The following SNAP91 variants were observed in gnomAD, a reference collection of about 807,000 sequenced individuals.
The protein encoded by SNAP91 is clathrin coat assembly protein AP180.
SNAP91 carries 27 observed loss-of-function variants against 100.3 expected under a neutral mutation model. That is an observed-to-expected ratio of 0.27 (90% CI 0.20 to 0.37). The LOEUF (loss-of-function observed/expected upper bound fraction) is 0.37, where lower values mean the gene tolerates loss of function less well. Ranked by LOEUF, SNAP91 falls within the 10% of genes least tolerant of loss-of-function variation. The pLI, the probability that SNAP91 is intolerant of heterozygous loss-of-function variation, is 1.00. For synonymous variants in SNAP91, 404 were observed against 398.6 expected, an observed-to-expected ratio of 1.01 and a Z score of -0.16; for missense variants, 986 against 1,123.7, an observed-to-expected ratio of 0.88 and a Z score of 1.75.
intron 7 of SNAP91, among the ~76,000 whole-genome samples, chr6:83,654,209 T>C (rs1183348052): frequency 1.3e-5 from 2 of 152,120 alleles, no homozygotes; most frequent in African/African-American, 4.8e-5. Context: ...ACTTCAACAG[T>C]AGTTCCTATG....
intron 5 of SNAP91, 59 bp downstream of exon 5, chr6:83,661,443 T>C: frequency 9.6e-7 from 1 of 1,037,800 alleles, no homozygotes; most frequent in Non-Finnish European, 1.4e-6. Context: ...TTAAAATAAA[T>C]CAAGTATGCC....
At chr6:83,701,424 C>T (rs1413733357) in intron 2 of SNAP91, among the ~76,000 whole-genome samples, 2 of 151,858 alleles carry the variant, frequency 1.3e-5, no homozygotes, top group Admixed American at 6.6e-5. Context: ...TCCTGAGTAG[C>T]CAGGAATGAC....
chr6:83,656,711 G>A (rs1562530257), intron 7 of SNAP91, 43 bp downstream of exon 7: 2 of 860,978 alleles, frequency 2.3e-6, no homozygotes, highest in Non-Finnish European at 3.7e-6. Flanking sequence ...CAATCTTACT[G>A]TGTATCCCAT....
At position 83,626,191 on chromosome 6, in the gene SNAP91, G is replaced by A. The variant is rs530902112; in HGVS notation, c.766-2849C>T. On this transcript the variant is annotated intron_variant, in intron 8 of 29. Transcript: ENST00000369694. ...TGTAGGTACGCTGCTTTATTTCTGG[G>A]TTCTCTATTCTGTTCCACTGTTCTA... Among the ~76,000 whole-genome samples, 111 of 152,034 alleles carry A rather than the reference G, an allele frequency of 7.3e-4. No individual in the cohort carries two copies. In the South Asian group the frequency reaches 0.01, roughly 14 times the overall value.
At chr6:83,636,775 C>T (rs951948668) in intron 8 of SNAP91, among the ~76,000 whole-genome samples, 4 of 152,300 alleles carry the variant, frequency 2.6e-5, no homozygotes, top group East Asian at 1.9e-4. Context: ...GATTCCTTCT[C>T]GTCTGAGGGA....
chr6:83,687,613 G>T (rs948885610), intron 2 of SNAP91, among the ~76,000 whole-genome samples: 3 of 152,172 alleles, frequency 2.0e-5, no homozygotes, highest in Admixed American at 2.0e-4. Context: ...TGAAATGGGG[G>T]TTACTAGCAT....
At chr6:83,589,831 T>C (rs1229028064) in intron 22 of SNAP91, among the ~76,000 whole-genome samples, 1 of 152,226 alleles carries the variant, frequency 6.6e-6, no homozygotes, top group East Asian at 1.9e-4. Flanking sequence ...TGAGGGTCTT[T>C]TAGCATCTGC....
At position 83,687,269 on chromosome 6, in the gene SNAP91, G is replaced by A. The variant is rs772588815; in HGVS notation, c.130+20529C>T. On this transcript the variant is annotated intron_variant, in intron 2 of 29. Transcript: ENST00000369694. ...TTTAGTTATTCTTACCTAATACGGCGAAAATGAAAATATTGTTTTAAGAAA... is the reference window on the plus strand; with the variant it reads ...TTTAGTTATTCTTACCTAATACGGCAAAAATGAAAATATTGTTTTAAGAAA... 1.2e-4 allele frequency among the ~76,000 whole-genome samples: 18 copies of A among 152,012 alleles called. No homozygotes were observed. In the East Asian group the frequency reaches 2.3e-3, roughly 19 times the overall value.
intron 16 of SNAP91, among the ~76,000 whole-genome samples, chr6:83,601,040 C>T (rs1447802706): frequency 2.6e-5 from 4 of 152,050 alleles, no homozygotes; most frequent in East Asian, 1.9e-4. Flanking sequence ...TGTTAAAAAA[C>T]GTGAAAATCA....
chr6:83,659,961 C>A (rs2098506322), intron 5 of SNAP91, among the ~76,000 whole-genome samples: 1 of 152,194 alleles, frequency 6.6e-6, no homozygotes, highest in Admixed American at 6.5e-5. Context: ...GGGTGCACTG[C>A]ACCTTGTCTC....
chr6:83,611,313 C>T, intron 11 of SNAP91: 2 of 323,236 alleles, frequency 6.2e-6, no homozygotes, highest in South Asian at 4.7e-5. Context: ...AACTTCGATG[C>T]TTTTTTCTAA....
chr6:83,591,317 C>G, intron 21 of SNAP91, 23 bp from the exon 22 acceptor site: 1 of 1,529,732 alleles, frequency 6.5e-7, no homozygotes, highest in Admixed American at 1.7e-5. Context: ...CATTGTGCAG[C>G]GGAAAAGTAA....
At chr6:83,648,188 AT>A (rs1457874777) in intron 7 of SNAP91, among the ~76,000 whole-genome samples, 2 of 152,150 alleles carry the variant, frequency 1.3e-5, no homozygotes, top group Non-Finnish European at 2.9e-5. Context: ...ATTTTCTAAA[AT>A]TTTATGTAAA....
At chr6:83,587,848 T>C (rs1280441031) in intron 22 of SNAP91, among the ~76,000 whole-genome samples, 2 of 152,218 alleles carry the variant, frequency 1.3e-5, no homozygotes, top group East Asian at 1.9e-4. Flanking sequence ...TGTTCTTTAG[T>C]GAGAATATGA....
intron 24 of SNAP91, among the ~76,000 whole-genome samples, chr6:83,577,040 T>C (rs1819972402): frequency 2.0e-5 from 3 of 152,116 alleles, no homozygotes; most frequent in Admixed American, 1.3e-4. Context: ...GGAAAGCTTA[T>C]GGAAAAATGA....
At chr6:83,600,985 G>A (rs186120650) in intron 16 of SNAP91, among the ~76,000 whole-genome samples, 46 of 152,244 alleles carry the variant, frequency 3.0e-4, no homozygotes, top group Non-Finnish European at 8.8e-5. Flanking sequence ...CTGGAGAGCA[G>A]GAACCTAAAG....
chr6:83,645,683 C>CAA (rs967560071), intron 7 of SNAP91, among the ~76,000 whole-genome samples: 2 of 148,114 alleles, frequency 1.4e-5, no homozygotes, highest in East Asian at 2.0e-4. Context: ...CCTATGTCTA[C>CAA]AAAAAAAAAA....
intron 28 of SNAP91, among the ~76,000 whole-genome samples, chr6:83,556,584 T>C (rs1779247533): frequency 6.6e-6 from 1 of 152,124 alleles, no homozygotes; most frequent in Non-Finnish European, 1.5e-5. Context: ...AAAGTAAAAT[T>C]TGGGGACTCC....
chr6:83,590,727 G>A (rs1364564133), intron 22 of SNAP91, among the ~76,000 whole-genome samples: 1 of 151,930 alleles, frequency 6.6e-6, no homozygotes, highest in African/African-American at 2.4e-5. Context: ...GACATTACAA[G>A]ACAAAAATTG....
Sources: allele counts gnomAD v4.1 joint callset (sites outside exome capture counted in the v4.1 genomes callset), GRCh38; gene constraint gnomAD v4.1.1; transcripts MANE v1.5; gene names NCBI Gene and HGNC (gene_info 2026-07-23, HGNC 2026-07-21).